Variants in ARSB observed in about 807,000 individuals in gnomAD.
The protein encoded by ARSB is N-acetylgalactosamine-4-sulfatase.
ARSB carries 41 observed loss-of-function variants against 50.9 expected under a neutral mutation model. That is an observed-to-expected ratio of 0.81 (90% CI 0.63 to 1.04). ARSB has a LOEUF of 1.04. Ranked by LOEUF, ARSB falls within the 50% of genes least tolerant of loss-of-function variation. ARSB has a pLI of 0.00. For synonymous variants in ARSB, 269 were observed against 284.8 expected, an observed-to-expected ratio of 0.94 and a Z score of 0.56; for missense variants, 672 against 693.3, an observed-to-expected ratio of 0.97 and a Z score of 0.35.
chr5:78,885,723 G>T lies in ARSB; in HGVS notation c.1003C>A (p.Pro335Thr), dbSNP rs1747991544. ...TTCACGCCCTTCTGCTTCAGCAAGG[G>T]GCTTGCCACAAAGCCCACCCCTCGG... ...GVRGVGFVAS[P>T]LLKQKGVKNR... The change falls in exon 5 of 8, where the codon CCC becomes ACC. Residue 335 changes from proline (P) to threonine (T), a missense_variant. By Grantham distance (38) the Pro-to-Thr change is conservative (BLOSUM62 -1). Coordinates refer to ENST00000264914, the MANE Select transcript of ARSB (RefSeq NM_000046.5). 3 of 1,613,950 alleles carry T rather than the reference G, an allele frequency of 1.9e-6. No homozygotes were observed. The highest frequency in any genetic ancestry group is 3.3e-5 in the Admixed American group (2 of 59,982).
chr5:78,802,211 T>G (rs1416144140), intron 6 of ARSB, among the ~76,000 whole-genome samples: 2 of 152,184 alleles, frequency 1.3e-5, no homozygotes. Flanking sequence ...TCAGAGCAGA[T>G]ATTTTTTGAC....
At chr5:78,964,644 A>G in intron 2 of ARSB, 38 bp from the exon 3 acceptor site, 1 of 1,582,324 alleles carries the variant, frequency 6.3e-7, no homozygotes, top group Non-Finnish European at 8.6e-7. Flanking sequence ...AGCATAGCAT[A>G]AAACTTGTTA....
At chr5:78,918,549 GCACACACACA>G (rs71001139) in intron 4 of ARSB, among the ~76,000 whole-genome samples, 3 of 149,902 alleles carry the variant, frequency 2.0e-5, no homozygotes, top group African/African-American at 7.4e-5. Context: ...AATATCATGT[GCACACACACA>G]CACACACACA....
Position 78,980,725 on chromosome 5 carries a change from A to AGTGTGTGTGTGT in ARSB, c.312+4211_312+4212insACACACACACAC, listed in dbSNP as rs1315709564. ...AACATAGGAACTGAATGTCTAAGGAAGTGTGTGTATGTGTGTGTGTGTGTG... is the reference window on the plus strand; with the variant it reads ...AACATAGGAACTGAATGTCTAAGGAAGTGTGTGTGTGTGTGTGTGTATGTGTGTGTGTGTGTG... On this transcript the variant is annotated intron_variant, in intron 1 of 7. Transcript: ENST00000264914. Among the ~76,000 whole-genome samples the AGTGTGTGTGTGT allele has an allele frequency of 7.3e-3, 670 of 91,950 alleles. 7 individuals are homozygous for AGTGTGTGTGTGT. The highest frequency in any genetic ancestry group is 0.018 in the African/African-American group (606 of 33,454). The allele number at this position is 91,950 out of a possible 152,430, so 60.3% of individuals were successfully genotyped here.
intron 5 of ARSB, among the ~76,000 whole-genome samples, chr5:78,864,034 A>G (rs1009004585): frequency 4.6e-5 from 7 of 151,794 alleles, no homozygotes; most frequent in Admixed American, 3.3e-4. Flanking sequence ...GCAGAAGCCT[A>G]TGACACAAGC....
At chr5:78,966,914 T>C (rs1481325063) in intron 2 of ARSB, among the ~76,000 whole-genome samples, 3 of 121,728 alleles carry the variant, frequency 2.5e-5, no homozygotes, top group Non-Finnish European at 3.3e-5. Context: ...TGAGAATACA[T>C]CCGGGTCCAT....
chr5:78,832,006 G>A (rs1253566237), intron 6 of ARSB, among the ~76,000 whole-genome samples: 1 of 152,072 alleles, frequency 6.6e-6, no homozygotes, highest in Non-Finnish European at 1.5e-5. Context: ...CTTTCAATAT[G>A]TATTAATCTC....
chr5:78,822,699 G>A (rs758798127), intron 6 of ARSB, among the ~76,000 whole-genome samples: 32 of 152,214 alleles, frequency 2.1e-4, no homozygotes, highest in East Asian at 1.9e-3. Flanking sequence ...GTGCAGTGGC[G>A]TGATCTCGGC....
chr5:78,967,412 C>T (rs1331986114), intron 2 of ARSB, among the ~76,000 whole-genome samples: 1 of 152,206 alleles, frequency 6.6e-6, no homozygotes, highest in African/African-American at 2.4e-5. Context: ...CGGTGGCTCA[C>T]ACCTGTAATC....
intron 5 of ARSB, among the ~76,000 whole-genome samples, chr5:78,858,172 T>C (rs1746248936): frequency 6.6e-6 from 1 of 152,230 alleles, no homozygotes. Flanking sequence ...GAATGTATGG[T>C]GTTTCCATTC....
At chr5:78,922,542 A>C (rs1580065995) in intron 4 of ARSB, among the ~76,000 whole-genome samples, 1 of 152,054 alleles carries the variant, frequency 6.6e-6, no homozygotes, top group African/African-American at 2.4e-5. Context: ...AATAGTCAGC[A>C]GCAATACCCA....
At chr5:78,927,957 T>C (rs1750127642) in intron 4 of ARSB, among the ~76,000 whole-genome samples, 1 of 152,178 alleles carries the variant, frequency 6.6e-6, no homozygotes, top group Non-Finnish European at 1.5e-5. Flanking sequence ...AATTTCATTA[T>C]CTCAAGAGAC....
chr5:78,908,010 C>G (rs1483702417), intron 4 of ARSB, among the ~76,000 whole-genome samples: 1 of 152,144 alleles, frequency 6.6e-6, no homozygotes, highest in African/African-American at 2.4e-5. Context: ...GGTACCTGGA[C>G]AGCTGGCATG....
intron 5 of ARSB, chr5:78,883,914 A>C (rs1747881236): frequency 6.6e-6 from 1 of 152,190 alleles, no homozygotes; most frequent in African/African-American, 2.4e-5. Context: ...AATTACAGAA[A>C]AATTGATAAT....
chr5:78,806,264 C>A (rs1743558502), intron 6 of ARSB, among the ~76,000 whole-genome samples: 2 of 152,194 alleles, frequency 1.3e-5, no homozygotes, highest in South Asian at 4.1e-4. Context: ...GTCACAGTGT[C>A]CCCTGGCATG....
rs980265946 is a variant in ARSB, at chr5:78,977,343, A to C, written c.312+7594T>G. The stretch of plus-strand genomic sequence containing the variant: ...TAATTTTTGTATTTTTAGTAGAGAC[A>C]GGGTTTCACCATGTTGGCCAGGCTG... On this transcript the variant is annotated intron_variant, in intron 1 of 7. Transcript: ENST00000264914. Among the ~76,000 whole-genome samples, 17 of 152,100 alleles carry C rather than the reference A, an allele frequency of 1.1e-4. No homozygotes were observed. The East Asian group carries it at 3.3e-3, about 29-fold the overall frequency.
In ARSB at chr5:78,780,546, G is replaced by C. The variant is rs751829762; in HGVS notation, c.1453C>G (p.His485Asp). ...FDIDRDPEER[H>D]DLSREYPHIV... is the part of the protein sequence containing the mutation. ...TGAGGATATTCTCTGGACAGGTCAT[G>C]TCTTTCTTCAGGGTCCCGATCAATA... Residue 485 changes from histidine (H) to aspartate (D), a missense_variant, in exon 8 of 8, where the codon CAT (histidine) becomes GAT (aspartate). By Grantham distance (81) the His-to-Asp change is moderately conservative. Coordinates refer to ENST00000264914, the MANE Select transcript of ARSB (RefSeq NM_000046.5). The C allele has an allele frequency of 2.4e-5, 39 of 1,614,032 alleles. No individual in the cohort carries two copies. Among genetic ancestry groups the C allele is most frequent in the Non-Finnish European group, 3.2e-5 (38 of 1,180,038 alleles).
intron 4 of ARSB, among the ~76,000 whole-genome samples, chr5:78,909,836 T>C (rs1749225670): frequency 1.3e-5 from 2 of 151,996 alleles, no homozygotes; most frequent in Non-Finnish European, 2.9e-5. Flanking sequence ...CTCTTGCAGT[T>C]GAGATAGAGG....
At chr5:78,882,055 C>T (rs1747772956) in intron 5 of ARSB, among the ~76,000 whole-genome samples, 1 of 152,268 alleles carries the variant, frequency 6.6e-6, no homozygotes, top group South Asian at 2.1e-4. Context: ...TCTCTGGATT[C>T]TTCTCGGCCT....
Sources: allele counts gnomAD v4.1 joint callset (sites outside exome capture counted in the v4.1 genomes callset), GRCh38; gene constraint gnomAD v4.1.1; transcripts MANE v1.5; gene names NCBI Gene and HGNC (gene_info 2026-07-23, HGNC 2026-07-21).